The following EPHB1 variants were observed in gnomAD, a reference collection of about 807,000 sequenced individuals.
EPHB1 encodes the protein ephrin type-B receptor 1.
In EPHB1, 30 loss-of-function variants were observed where a neutral mutation model predicts 94.4. The ratio of observed to expected loss-of-function variants is 0.32; its 90% CI spans 0.24 to 0.43. The LOEUF (loss-of-function observed/expected upper bound fraction) is 0.43. EPHB1 is among the 20% of genes least tolerant of loss of function. EPHB1 has a pLI of 1.00. For synonymous variants in EPHB1, 522 were observed against 489.1 expected (o/e 1.07, Z -0.89); for missense variants, 1,055 against 1,308.3 (o/e 0.81, Z 2.99).
chr3:135,118,286 T>C (rs1939795725), intron 4 of EPHB1, among the ~76,000 whole-genome samples: 1 of 152,192 alleles, frequency 6.6e-6, no homozygotes, highest in African/African-American at 2.4e-5. Context: ...GCTCCACTAC[T>C]CAGTGATAGC....
chr3:134,850,892 A>G (rs2036967813), intron 1 of EPHB1, among the ~76,000 whole-genome samples: 2 of 152,260 alleles, frequency 1.3e-5, no homozygotes, highest in South Asian at 4.1e-4. Context: ...CTGTTGGTGC[A>G]GAGCCAGGGG....
At chr3:135,255,699 C>T (rs1309078661) in intron 15 of EPHB1, among the ~76,000 whole-genome samples, 6 of 151,300 alleles carry the variant, frequency 4.0e-5, no homozygotes, top group Admixed American at 1.3e-4. Context: ...ATTCTGTTGA[C>T]TTGGGGTGGA....
chr3:135,030,813 C>T (rs1576330381), intron 3 of EPHB1, among the ~76,000 whole-genome samples: 1 of 152,218 alleles, frequency 6.6e-6, no homozygotes, highest in African/African-American at 2.4e-5. Context: ...GTGGGCGCCC[C>T]TCCCCCAGCC....
intron 1 of EPHB1, among the ~76,000 whole-genome samples, chr3:134,798,007 A>T (rs2035862697): frequency 6.6e-6 from 1 of 152,132 alleles, no homozygotes; most frequent in South Asian, 2.1e-4. Flanking sequence ...GGTTGGGGCC[A>T]GCGTTATTTG....
intron 9 of EPHB1, among the ~76,000 whole-genome samples, chr3:135,172,839 G>A (rs1941843754): frequency 6.6e-6 from 1 of 152,192 alleles, no homozygotes; most frequent in Non-Finnish European, 1.5e-5. Flanking sequence ...CCATGTGTCT[G>A]CTGCTGGCTG....
chr3:135,122,579 C>G (rs142921400), intron 4 of EPHB1, among the ~76,000 whole-genome samples: 4 of 152,282 alleles, frequency 2.6e-5, no homozygotes, highest in Non-Finnish European at 5.9e-5. Flanking sequence ...CTGAGGTGCA[C>G]TGCCTCCCAG....
intron 3 of EPHB1, among the ~76,000 whole-genome samples, chr3:135,007,043 C>T (rs1207345998): frequency 1.3e-5 from 2 of 152,198 alleles, no homozygotes; most frequent in Admixed American, 6.5e-5. Flanking sequence ...AAGGCAGAAA[C>T]AGGTCAGGAG....
At chr3:134,862,382 A>T (rs537740322) in intron 1 of EPHB1, among the ~76,000 whole-genome samples, 1 of 152,074 alleles carries the variant, frequency 6.6e-6, no homozygotes, top group African/African-American at 2.4e-5. Context: ...GAGCCCTAAA[A>T]CAGACTTTCA....
chr3:135,179,912 C>T lies in EPHB1; in HGVS notation c.1812C>T (p.Asn604=), dbSNP rs55993015. The T allele has an allele frequency of 2.9e-4, 460 of 1,613,894 alleles. 1 individual carries two copies. The East Asian group carries it at 4.3e-3, about 15-fold the overall frequency. The change falls in exon 10 of 16, where the codon AAC becomes AAT. Residue 604 remains asparagine, a synonymous_variant. Coordinates refer to ENST00000398015, the MANE Select transcript of EPHB1 (RefSeq NM_004441.5). ...YIDPFTYEDP[N]EAVREFAKEI... is the part of the protein sequence containing the mutation. Reference sequence around the variant, plus strand: ...ACCCCTTCACTTACGAGGATCCCAACGAAGCTGTCCGGGAGTTTGCCAAGG... The same window carrying T: ...ACCCCTTCACTTACGAGGATCCCAATGAAGCTGTCCGGGAGTTTGCCAAGG...
At chr3:134,894,466 C>T (rs1560285494) in intron 1 of EPHB1, among the ~76,000 whole-genome samples, 1 of 152,216 alleles carries the variant, frequency 6.6e-6, no homozygotes, top group Non-Finnish European at 1.5e-5. Flanking sequence ...CTTGCCTCAG[C>T]CTCCAGGACA....
At chr3:135,246,853 T>C (rs1943939477) in intron 13 of EPHB1, among the ~76,000 whole-genome samples, 1 of 152,240 alleles carries the variant, frequency 6.6e-6, no homozygotes. Flanking sequence ...ACTAATACAC[T>C]TTGATTATCT....
At chr3:134,898,124 T>A (rs1224338180) in intron 1 of EPHB1, among the ~76,000 whole-genome samples, 1 of 152,108 alleles carries the variant, frequency 6.6e-6, no homozygotes, top group Non-Finnish European at 1.5e-5. Flanking sequence ...CCTAGGTGGA[T>A]GAGTGTGCCT....
intron 1 of EPHB1, among the ~76,000 whole-genome samples, chr3:134,802,824 C>G (rs556592762): frequency 1.3e-5 from 2 of 152,208 alleles, no homozygotes; most frequent in African/African-American, 4.8e-5. Context: ...GCATCTTATT[C>G]ATCTGCTCAC....
chr3:134,817,200 G>C (rs2036288863), intron 1 of EPHB1, among the ~76,000 whole-genome samples: 1 of 152,146 alleles, frequency 6.6e-6, no homozygotes. Context: ...TAAAAATAAA[G>C]TTTGAAGGCC....
chr3:135,033,792 T>C (rs551204740), intron 3 of EPHB1, among the ~76,000 whole-genome samples: 6 of 152,338 alleles, frequency 3.9e-5, no homozygotes, highest in African/African-American at 1.4e-4. Context: ...ACGTTAGCTC[T>C]TTTCGTATTG....
intron 5 of EPHB1, among the ~76,000 whole-genome samples, chr3:135,137,697 G>A (rs867664496): frequency 4.6e-5 from 7 of 152,244 alleles, no homozygotes; most frequent in Middle Eastern, 3.4e-3. Context: ...GTACTATAGG[G>A]ACAAGCAAAT....
chr3:135,117,676 A>G (rs546908409), intron 4 of EPHB1, among the ~76,000 whole-genome samples: 5 of 152,260 alleles, frequency 3.3e-5, no homozygotes, highest in African/African-American at 7.2e-5. Flanking sequence ...CATTCTGGAG[A>G]CTAGTAGGTT....
intron 3 of EPHB1, among the ~76,000 whole-genome samples, chr3:135,002,349 G>T (rs375412897): frequency 7.2e-5 from 11 of 152,292 alleles, no homozygotes; most frequent in African/African-American, 2.6e-4. Flanking sequence ...GATTCGTTTT[G>T]CCAGTATTTT....
chr3:134,882,656 C>T (rs1432108777), intron 1 of EPHB1, among the ~76,000 whole-genome samples: 1 of 149,788 alleles, frequency 6.7e-6, no homozygotes. Context: ...TGCAATCTTT[C>T]TCTCCTTCCT....
Sources: gnomAD v4.1 joint callset for allele counts (sites outside exome capture counted in the v4.1 genomes callset) on GRCh38, gnomAD v4.1.1 for gene constraint, MANE v1.5 for transcripts, NCBI Gene and HGNC (gene_info 2026-07-23, HGNC 2026-07-21) for gene names.